The following TMEM108 variants were observed in gnomAD, a reference collection of about 807,000 sequenced individuals.
TMEM108 encodes cancer/testis antigen 124.
TMEM108 carries 12 observed loss-of-function variants against 35.1 expected under a neutral mutation model. That is an observed-to-expected ratio of 0.34 (90% CI 0.22 to 0.55). TMEM108 has a LOEUF of 0.55. Among genes scored for constraint, TMEM108 ranks in the 20% least tolerant of loss-of-function variants. TMEM108 has a pLI of 0.89. For missense variants in TMEM108, 680 were observed against 753.3 expected (o/e 0.90, Z 1.14); for synonymous variants, 287 against 308.6 (o/e 0.93, Z 0.73).
intron 2 of TMEM108, among the ~76,000 whole-genome samples, chr3:133,204,632 G>C (rs916030279): frequency 6.6e-6 from 1 of 152,168 alleles, no homozygotes; most frequent in African/African-American, 2.4e-5. Context: ...TCTTAATACT[G>C]AGTTCTAATT....
chr3:133,137,740 T>A (rs1025789601), intron 2 of TMEM108, among the ~76,000 whole-genome samples: 1 of 152,140 alleles, frequency 6.6e-6, no homozygotes, highest in African/African-American at 2.4e-5. Context: ...TAAAATTGAC[T>A]AAAGGCTACG....
intron 2 of TMEM108, among the ~76,000 whole-genome samples, chr3:133,061,980 CA>C (rs1273949687): frequency 1.3e-5 from 2 of 152,176 alleles, no homozygotes; most frequent in Non-Finnish European, 2.9e-5. Context: ...ATGTATTTTT[CA>C]AAAGGAACTA....
Position 133,397,332 on chromosome 3 carries a change from CAT to C in TMEM108, c.*1349_*1350del, listed in dbSNP as rs2073319856. The C allele has an allele frequency of 6.6e-6, 1 of 151,166 alleles. No homozygotes were observed. Among genetic ancestry groups the C allele is most frequent in the South Asian group, 2.1e-4 (1 of 4,802 alleles). 9.4% of individuals were successfully genotyped at this position (151,166 alleles called of 1,614,324 possible). A position where few individuals can be genotyped will look rare whatever the true frequency, so the allele number is the denominator to read the frequency against. On this transcript the variant is annotated 3_prime_UTR_variant, in exon 6 of 6. Coordinates refer to ENST00000321871, the MANE Select transcript of TMEM108 (RefSeq NM_023943.4). Reference sequence around the variant, plus strand: ...TGGGAATTGAACTTGAATATTGGGTCATATGTTTGTGTTGTTGCTGTAGTCTA... The same window carrying C: ...TGGGAATTGAACTTGAATATTGGGTCATGTTTGTGTTGTTGCTGTAGTCTA...
At chr3:133,372,554 A>G (rs2072707023) in intron 3 of TMEM108, among the ~76,000 whole-genome samples, 1 of 152,194 alleles carries the variant, frequency 6.6e-6, no homozygotes. Flanking sequence ...GCTGAAGGCC[A>G]TAGGTGTGTC....
At chr3:133,230,421 A>G (rs1412939337) in intron 3 of TMEM108, among the ~76,000 whole-genome samples, 3 of 152,298 alleles carry the variant, frequency 2.0e-5, no homozygotes, top group Non-Finnish European at 2.9e-5. Context: ...AAAGTCGCCA[A>G]GTGTTATAGG....
chr3:133,210,398 G>A (rs1438043211), intron 2 of TMEM108, among the ~76,000 whole-genome samples: 1 of 152,146 alleles, frequency 6.6e-6, no homozygotes, highest in African/African-American at 2.4e-5. Flanking sequence ...GCTAGATTAG[G>A]TTTTTGGATT....
chr3:133,179,332 T>C (rs1459524729), intron 2 of TMEM108, among the ~76,000 whole-genome samples: 1 of 152,218 alleles, frequency 6.6e-6, no homozygotes, highest in Non-Finnish European at 1.5e-5. Context: ...TTATAAATCA[T>C]GCTGCCATAA....
At chr3:133,133,170 C>CAGCAGT in intron 2 of TMEM108, among the ~76,000 whole-genome samples, 1 of 152,176 alleles carries the variant, frequency 6.6e-6, no homozygotes, top group African/African-American at 2.4e-5. Context: ...GCAGCAGCAG[C>CAGCAGT]AGGGTTTGAG....
intron 3 of TMEM108, among the ~76,000 whole-genome samples, chr3:133,303,779 CA>C (rs1947264235): frequency 6.6e-6 from 1 of 152,112 alleles, no homozygotes; most frequent in African/African-American, 2.4e-5. Context: ...CAAATAAGTC[CA>C]ATTTTAATTG....
chr3:133,141,839 C>T (rs1041742087), intron 2 of TMEM108, among the ~76,000 whole-genome samples: 1 of 152,114 alleles, frequency 6.6e-6, no homozygotes, highest in African/African-American at 2.4e-5. Context: ...AAACTTAGTG[C>T]TTGGCCCATT....
chr3:133,209,794 A>G (rs1305036547), intron 2 of TMEM108, among the ~76,000 whole-genome samples: 3 of 152,134 alleles, frequency 2.0e-5, no homozygotes, highest in South Asian at 2.1e-4. Flanking sequence ...CTGAGAATGA[A>G]TGATTTAGAG....
At chr3:133,261,514 C>T (rs570331673) in intron 3 of TMEM108, among the ~76,000 whole-genome samples, 39 of 152,234 alleles carry the variant, frequency 2.6e-4, no homozygotes, top group Non-Finnish European at 4.1e-4. Flanking sequence ...CTCTTCTCAC[C>T]TGCCCACTCC....
chr3:133,380,633 G>A lies in TMEM108; in HGVS notation c.922G>A (p.Val308Ile). Reference sequence around the variant, plus strand: ...TGCCACAGCAGCCTCAGGTGCCCCTGTCAGTCCACAAGCTGCCCCAGTGCC... The same window carrying A: ...TGCCACAGCAGCCTCAGGTGCCCCTATCAGTCCACAAGCTGCCCCAGTGCC... ...PDATAASGAP[V>I]SPQAAPVPSQ... is the part of the protein sequence containing the mutation. Residue 308 changes from valine (V) to isoleucine (I), a missense_variant, in exon 4 of 6, where the codon GTC becomes ATC. Physicochemically the swap from Val to Ile is conservative, Grantham distance 29. Around this residue, in one of 3 missense-constraint regions of TMEM108, gnomAD observed 526 missense variants for 532.1 expected, o/e 0.99. Coordinates refer to ENST00000321871, the MANE Select transcript of TMEM108 (RefSeq NM_023943.4). This position sits in a 1 kb window ranked among gnomAD's most constrained non-coding sequence, Gnocchi z 5.3. 1 of 1,613,850 alleles carries A rather than the reference G, an allele frequency of 6.2e-7. No individual in the cohort carries two copies.
intron 3 of TMEM108, among the ~76,000 whole-genome samples, chr3:133,370,470 G>C (rs1576513797): frequency 6.6e-6 from 1 of 152,258 alleles, no homozygotes; most frequent in East Asian, 1.9e-4. Context: ...TGCTGGCCTT[G>C]ACCACCTGGC....
At chr3:133,193,938 C>CTTTTTTTTTT (rs34225124) in intron 2 of TMEM108, among the ~76,000 whole-genome samples, 1 of 139,642 alleles carries the variant, frequency 7.2e-6, no homozygotes. Flanking sequence ...AACATTGATT[C>CTTTTTTTTTT]TTTTTTTTTT....
In TMEM108 at chr3:133,198,575, T is replaced by A. The variant is rs189436976; in HGVS notation, c.-46-30691T>A. Among the ~76,000 whole-genome samples, 498 of 152,348 alleles carry A rather than the reference T, an allele frequency of 3.3e-3. 8 individuals carry two copies. Among genetic ancestry groups the A allele is most frequent in the Non-Finnish European group, 4.4e-3 (300 of 68,030 alleles). On this transcript the variant is annotated intron_variant, in intron 2 of 5. Coordinates refer to ENST00000321871, the MANE Select transcript of TMEM108 (RefSeq NM_023943.4). ...TAAGGAGGGCAGTTTGGCCAGGGGA[T>A]CTTACATGTGAACTGAAGCCTCAAT...
intron 2 of TMEM108, among the ~76,000 whole-genome samples, chr3:133,113,663 C>A (rs112759562): frequency 0.035 from 5,327 of 152,220 alleles, 170 homozygotes; most frequent in Admixed American, 0.074. Flanking sequence ...GACATGTCCT[C>A]ACCTCAACCC....
intron 1 of TMEM108, among the ~76,000 whole-genome samples, chr3:133,039,956 T>A (rs537189554): frequency 2.0e-5 from 3 of 149,728 alleles, no homozygotes; most frequent in South Asian, 4.2e-4. Flanking sequence ...ATAAATATAT[T>A]TTTTTAAGAG....
intron 2 of TMEM108, among the ~76,000 whole-genome samples, chr3:133,213,159 C>A (rs563668343): frequency 2.0e-5 from 3 of 152,194 alleles, no homozygotes; most frequent in Non-Finnish European, 4.4e-5. Context: ...TTCATTCCTT[C>A]TGTTTTCCCA....
Sources: allele counts gnomAD v4.1 joint callset (sites outside exome capture counted in the v4.1 genomes callset), GRCh38; gene constraint gnomAD v4.1.1; regional missense constraint gnomAD v4.1.1; non-coding constraint Gnocchi (gnomAD v3.1); transcripts MANE v1.5; gene names NCBI Gene and HGNC (gene_info 2026-07-23, HGNC 2026-07-21).